The following ACOXL variants were observed in gnomAD, a reference collection of about 807,000 sequenced individuals.
ACOXL encodes the protein acyl-CoA oxidase like, also known as acyl-coenzyme A oxidase-like protein.
Under a neutral mutation model 71.9 loss-of-function variants are expected in ACOXL, and 70 were observed. The ratio of observed to expected loss-of-function variants is 0.97; its 90% CI spans 0.80 to 1.19. The LOEUF (loss-of-function observed/expected upper bound fraction) is 1.19, where lower values mean the gene tolerates loss of function less well. ACOXL is among the 50% of genes most tolerant of loss of function. ACOXL has a pLI of 0.00. For missense variants in ACOXL, 703 were observed against 736.3 expected (o/e 0.95, Z 0.52); for synonymous variants, 253 against 281.6 (o/e 0.90, Z 1.02).
intron 16 of ACOXL, among the ~76,000 whole-genome samples, chr2:111,066,459 C>A (rs546854755): frequency 6.6e-6 from 1 of 152,140 alleles, no homozygotes; most frequent in Non-Finnish European, 1.5e-5. Context: ...TGGAGATGAT[C>A]TGGATCTCAT....
At chr2:110,735,526 C>T (rs1466010429) in intron 1 of ACOXL, among the ~76,000 whole-genome samples, 3 of 152,222 alleles carry the variant, frequency 2.0e-5, no homozygotes, top group East Asian at 1.9e-4. Context: ...CAACTTCCTA[C>T]ACACACTGGG....
At chr2:110,733,000 C>G (rs1676362771) in intron 1 of ACOXL, 1 of 152,632 alleles carries the variant, frequency 6.6e-6, no homozygotes, top group Admixed American at 6.5e-5. Context: ...GAGAGGTGCC[C>G]TCTCCTCCCG....
At chr2:110,805,144 A>T (rs941714729) in intron 8 of ACOXL, 119 bp from the exon 9 acceptor site, 6 of 1,335,232 alleles carry the variant, frequency 4.5e-6, no homozygotes, top group South Asian at 1.4e-5. Context: ...TCAAGGGGGA[A>T]GTTCCACGAT....
intron 12 of ACOXL, among the ~76,000 whole-genome samples, chr2:110,955,295 T>C (rs1298402971): frequency 2.6e-5 from 4 of 151,984 alleles, no homozygotes; most frequent in Non-Finnish European, 5.9e-5. Flanking sequence ...TTGTCTTTTA[T>C]TTGCCCTTGT....
At chr2:111,041,858 G>T (rs1411922995) in intron 15 of ACOXL, among the ~76,000 whole-genome samples, 1 of 152,226 alleles carries the variant, frequency 6.6e-6, no homozygotes, top group Non-Finnish European at 1.5e-5. Context: ...GGTGACCACT[G>T]TGCTCTGTCT....
chr2:110,786,054 G>A (rs1054002586), intron 3 of ACOXL, among the ~76,000 whole-genome samples: 9 of 152,178 alleles, frequency 5.9e-5, no homozygotes, highest in Admixed American at 4.6e-4. Flanking sequence ...TAGCTCAGGT[G>A]GGCGTGTCTG....
At chr2:110,963,565 ATGTGTG>A (rs57092184) in intron 12 of ACOXL, 317,649 of 1,442,480 alleles carry the variant, frequency 0.22, 7,594 homozygotes, top group Admixed American at 0.33. Context: ...CAAATTTGAA[ATGTGTG>A]TGTGTGTGTG....
intron 14 of ACOXL, among the ~76,000 whole-genome samples, chr2:111,012,264 G>A (rs2149674300): frequency 6.6e-6 from 1 of 152,246 alleles, no homozygotes; most frequent in South Asian, 2.1e-4. Flanking sequence ...AATTTTTTTA[G>A]CAATAAATAA....
intron 5 of ACOXL, 50 bp from the exon 6 acceptor site, chr2:110,798,560 G>T: frequency 6.7e-7 from 1 of 1,490,636 alleles, no homozygotes; most frequent in Non-Finnish European, 9.4e-7. Flanking sequence ...CCAGGGAGTT[G>T]AAATGAGCCA....
chr2:110,921,672 C>T (rs1180115741), intron 11 of ACOXL, among the ~76,000 whole-genome samples: 2 of 151,990 alleles, frequency 1.3e-5, no homozygotes, highest in Non-Finnish European at 2.9e-5. Context: ...GGATTACAGG[C>T]ATGAGCCACC....
chr2:110,957,720 C>T (rs2061551035), intron 12 of ACOXL, among the ~76,000 whole-genome samples: 1 of 152,130 alleles, frequency 6.6e-6, no homozygotes, highest in Admixed American at 6.5e-5. Flanking sequence ...TTTTGAAATA[C>T]AGCCACATTC....
chr2:110,816,100 GATGA>G (rs1315318151), intron 9 of ACOXL, among the ~76,000 whole-genome samples: 2 of 152,116 alleles, frequency 1.3e-5, no homozygotes, highest in African/African-American at 2.4e-5. Flanking sequence ...TGGGTGGGTA[GATGA>G]ATGGATGGGT....
chr2:111,078,595 A>C (rs144579186), intron 16 of ACOXL, among the ~76,000 whole-genome samples: 67 of 152,244 alleles, frequency 4.4e-4, no homozygotes, highest in African/African-American at 1.6e-3. Context: ...GAAATTTACT[A>C]TTCTACCATT....
chr2:110,846,209 A>G (rs550510666), intron 10 of ACOXL, among the ~76,000 whole-genome samples: 21 of 152,258 alleles, frequency 1.4e-4, no homozygotes, highest in African/African-American at 5.1e-4. Context: ...GGGCGTCAGG[A>G]CCAAGAGAGA....
intron 3 of ACOXL, among the ~76,000 whole-genome samples, chr2:110,787,571 A>C (rs1474383633): frequency 6.6e-6 from 1 of 151,864 alleles, no homozygotes; most frequent in African/African-American, 2.4e-5. Flanking sequence ...AAAAAAAGAA[A>C]TACTTCTCTG....
chr2:110,862,397 T>C (rs1245721705), intron 10 of ACOXL, among the ~76,000 whole-genome samples: 1 of 152,174 alleles, frequency 6.6e-6, no homozygotes, highest in Non-Finnish European at 1.5e-5. Flanking sequence ...GCTTGGAAGC[T>C]GAGGCAGGAG....
intron 8 of ACOXL, among the ~76,000 whole-genome samples, chr2:110,802,488 A>G (rs1686123960): frequency 2.0e-5 from 3 of 152,198 alleles, no homozygotes; most frequent in Admixed American, 1.3e-4. Context: ...CCACCTCCCC[A>G]TGGGTTTCCC....
At chr2:110,809,220 ATGTGCTTCATG>A (rs1482893758) in intron 9 of ACOXL, among the ~76,000 whole-genome samples, 9 of 152,134 alleles carry the variant, frequency 5.9e-5, no homozygotes, top group African/African-American at 2.2e-4. Context: ...TCCCCATAGT[ATGTGCTTCATG>A]TGTACACACT....
chr2:110,925,640 T>G (rs2060241078), intron 11 of ACOXL, among the ~76,000 whole-genome samples: 1 of 152,244 alleles, frequency 6.6e-6, no homozygotes, highest in African/African-American at 2.4e-5. Context: ...ATTGGTTTGA[T>G]CTTCCATCCA....
Sources: allele counts gnomAD v4.1 joint callset (sites outside exome capture counted in the v4.1 genomes callset), GRCh38; gene constraint gnomAD v4.1.1; transcripts MANE v1.5; gene names NCBI Gene and HGNC (gene_info 2026-07-23, HGNC 2026-07-21).